YBX1: variants seen among roughly 807,000 people sequenced by gnomAD.
The protein encoded by YBX1 is Y-box binding protein 1.
A neutral mutation model predicts 41.4 loss-of-function variants in YBX1; 3 were observed. The ratio of observed to expected loss-of-function variants is 0.07; its 90% CI spans 0.03 to 0.19. The LOEUF (loss-of-function observed/expected upper bound fraction) is 0.19, where lower values mean the gene tolerates loss of function less well. YBX1 is among the 10% of genes least tolerant of loss of function. The pLI, the probability that YBX1 is intolerant of heterozygous loss-of-function variation, is 1.00. For synonymous variants in YBX1, 133 were observed against 165.8 expected (o/e 0.80, Z 1.52); for missense variants, 274 against 462.8 (o/e 0.59, Z 3.74).
At chr1:42,699,109 A>G (rs963011693) in intron 6 of YBX1, among the ~76,000 whole-genome samples, 1 of 152,202 alleles carries the variant, frequency 6.6e-6, no homozygotes, top group African/African-American at 2.4e-5. Context: ...CCAGGATAAC[A>G]GTTGATGGCA....
intron 7 of YBX1, 100 bp from the exon 8 acceptor site, chr1:42,701,881 A>C (rs1404787520): frequency 6.6e-6 from 1 of 152,620 alleles, no homozygotes; most frequent in East Asian, 1.9e-4. Flanking sequence ...AGATCTGTTA[A>C]TGTCTCCCAA....
intron 3 of YBX1, 84 bp downstream of exon 3, chr1:42,693,607 T>C (rs1650392928): frequency 1.4e-6 from 2 of 1,462,786 alleles, no homozygotes; most frequent in African/African-American, 1.4e-5. Flanking sequence ...TTTTGTTCCT[T>C]ATAAAAGGTT....
rs201270213 is a variant in YBX1, at chr1:42,697,347, C to T, written c.740+85C>T. 9.0e-6 allele frequency: 12 copies of T among 1,335,326 alleles called. No homozygotes were observed. The African/African-American group carries it at 1.5e-4, about 16-fold the overall frequency. The allele number at this position is 1,335,326 out of a possible 1,614,324, so 82.7% of individuals were successfully genotyped here. On this transcript the variant is annotated intron_variant, in intron 6 of 7. Coordinates refer to ENST00000321358, the MANE Select transcript of YBX1 (RefSeq NM_004559.5). ...CAATATCATGCCTCTCCTGCAGACT[C>T]ATTTTTCTGTTAACACTTCACGTTT...
At chr1:42,699,618 G>T (rs921567013) in intron 6 of YBX1, among the ~76,000 whole-genome samples, 7 of 128,460 alleles carry the variant, frequency 5.4e-5, no homozygotes, top group East Asian at 2.1e-4. Flanking sequence ...AATGAGGGTT[G>T]TTTTTTTTTT....
rs141968223 is a variant in YBX1, at chr1:42,700,978, C to A, written c.938C>A (p.Ser313Ter). Residue 313 changes from serine to a stop codon, truncating the protein, a stop_gained, in exon 7 of 8, where the codon TCG becomes TAG. Transcript: ENST00000321358. LOFTEE classifies it high-confidence loss of function. ...GCAGCCGATCCACCAGCTGAGAATT[C>A]GTCCGCTCCCGAGGCTGAGCAGGGC... The part of the protein sequence containing the change: ...TKAADPPAEN[S>*]SAPEAEQGGA... 1.2e-6 allele frequency: 2 copies of A among 1,614,146 alleles called. No homozygotes were observed. Among genetic ancestry groups the A allele is most frequent in the Non-Finnish European group, 1.7e-6 (2 of 1,180,028 alleles).
At chr1:42,690,555 C>T (rs1650305445) in intron 2 of YBX1, among the ~76,000 whole-genome samples, 1 of 152,110 alleles carries the variant, frequency 6.6e-6, no homozygotes, top group African/African-American at 2.4e-5. Context: ...CTCCTGTGAC[C>T]TGCAAATCTA....
chr1:42,691,871 A>G (rs5773784), intron 2 of YBX1, among the ~76,000 whole-genome samples: 4 of 125,896 alleles, frequency 3.2e-5, no homozygotes, highest in Admixed American at 1.6e-4. Context: ...TTATTTTTTT[A>G]TTTTTTTTGA....
chr1:42,688,591 C>T (rs1294538467), intron 2 of YBX1, among the ~76,000 whole-genome samples: 3 of 152,178 alleles, frequency 2.0e-5, no homozygotes, highest in Admixed American at 1.3e-4. Flanking sequence ...TTCACATGAA[C>T]AGTTTATCTC....
At chr1:42,700,609 TC>T (rs5773785) in intron 6 of YBX1, among the ~76,000 whole-genome samples, 171 bp from the exon 7 acceptor site, 14,969 of 48,300 alleles carry the variant, frequency 0.31, 1,304 homozygotes, top group East Asian at 0.43. Context: ...CTACTCAGCA[TC>T]CCCCCCCCCC....
Position 42,701,054 on chromosome 1 carries a change from A to G in YBX1, c.*31+8A>G. ...ATCTCTACCATCATCCGGGTAAGCA[A>G]GCTTGGATGGCCATCCATTTATGGC... On this transcript the variant is annotated splice_region_variant and intron_variant, in intron 7 of 7. Transcript: ENST00000321358. 1 of 1,604,214 alleles carries G rather than the reference A, an allele frequency of 6.2e-7. No individual in the cohort carries two copies. The highest frequency in any genetic ancestry group is 8.5e-7 in the Non-Finnish European group (1 of 1,171,802).
chr1:42,683,340 C>A, intron 1 of YBX1, 63 bp from the exon 2 acceptor site: 14 of 1,605,294 alleles, frequency 8.7e-6, no homozygotes, highest in African/African-American at 1.3e-5. Context: ...ATGCCCAAGC[C>A]GGGCGGATTT....
intron 6 of YBX1, among the ~76,000 whole-genome samples, chr1:42,699,529 A>G (rs183285638): frequency 6.6e-6 from 1 of 152,216 alleles, no homozygotes; most frequent in African/African-American, 2.4e-5. Flanking sequence ...GTTTATCCAG[A>G]TGAAGACACT....
rs949712126 is a variant in YBX1 at position 42,703,515 on chromosome 1, C to T, written c.*1566C>T. On this transcript the variant is annotated 3_prime_UTR_variant, in exon 8 of 8. Coordinates refer to ENST00000321358, the MANE Select transcript of YBX1 (RefSeq NM_004559.5). Reference sequence around the variant, plus strand: ...ACCCTACTTAGTGTAAATATCTGTACTGCAGAAGTGAGTTAGCCTATTTCT... The same window carrying T: ...ACCCTACTTAGTGTAAATATCTGTATTGCAGAAGTGAGTTAGCCTATTTCT... Among the ~76,000 whole-genome samples the T allele has an allele frequency of 2.0e-5, 3 of 152,180 alleles. No homozygotes were observed. The highest frequency in any genetic ancestry group is 2.0e-4 in the Admixed American group (3 of 15,276).
rs781077024 is a variant in YBX1 at position 42,696,164 on chromosome 1, CCT to C, written c.265-34_265-33del. On this transcript the variant is annotated intron_variant, in intron 3 of 7. Transcript: ENST00000321358. The surrounding 1 kb of genome is among the most constrained non-coding windows in gnomAD (Gnocchi z 5.7). ...TAAATGAAAAAGCACATTATTCTCC[CCT>C]GTTAATCTATTTTTGGAATGTGATA... is the stretch of plus-strand genomic sequence containing the variant. The C allele has an allele frequency of 1.3e-5, 20 of 1,540,824 alleles. No homozygotes were observed. Among genetic ancestry groups the C allele is most frequent in the Non-Finnish European group, 1.8e-5 (20 of 1,127,616 alleles).
Position 42,682,530 on chromosome 1 carries a change from C to G in YBX1, c.-36C>G. 7.0e-7 allele frequency: 1 copy of G among 1,437,750 alleles called. No homozygotes were observed. Among genetic ancestry groups the G allele is most frequent in the Non-Finnish European group, 9.1e-7 (1 of 1,100,392 alleles). The allele number at this position is 1,437,750 out of a possible 1,614,324, so 89.1% of individuals were successfully genotyped here. ...CATCACACCCCGGGAGGAGCCGCAG[C>G]TGCCGCAGCCGGCCCCAGTCACCAT... is the stretch of plus-strand genomic sequence containing the variant. On this transcript the variant is annotated 5_prime_UTR_variant, in exon 1 of 8. Transcript: ENST00000321358.
chr1:42,696,509 G>T lies in YBX1; in HGVS notation c.355-133G>T. 2.5e-6 allele frequency: 2 copies of T among 797,982 alleles called. No homozygotes were observed. The highest frequency in any genetic ancestry group is 3.0e-5 in the East Asian group (1 of 33,298). The allele number at this position is 797,982 out of a possible 1,614,324, so 49.4% of individuals were successfully genotyped here. On this transcript the variant is annotated intron_variant, in intron 4 of 7. Coordinates refer to ENST00000321358, the MANE Select transcript of YBX1 (RefSeq NM_004559.5). The surrounding 1 kb of genome is among the most constrained non-coding windows in gnomAD (Gnocchi z 5.7). ...TCTGTGCACCCCTGGTCACGCAGTT[G>T]CGCCCCCCCCCCCTTTTTTTTCCTT... is the stretch of plus-strand genomic sequence containing the variant.
chr1:42,694,472 T>C (rs1650412141), intron 3 of YBX1, among the ~76,000 whole-genome samples: 1 of 152,200 alleles, frequency 6.6e-6, no homozygotes, highest in Non-Finnish European at 1.5e-5. Context: ...CCATAACTAC[T>C]TTTTTGTACT....
In YBX1 at chr1:42,696,494, C is replaced by A; in HGVS notation, c.355-148C>A. On this transcript the variant is annotated intron_variant, in intron 4 of 7. Coordinates refer to ENST00000321358, the MANE Select transcript of YBX1 (RefSeq NM_004559.5). The surrounding 1 kb of genome is among the most constrained non-coding windows in gnomAD (Gnocchi z 5.7). ...TGATATTTAGTCATTTCTGTGCACCCCTGGTCACGCAGTTGCGCCCCCCCC... is the reference window on the plus strand; with the variant it reads ...TGATATTTAGTCATTTCTGTGCACCACTGGTCACGCAGTTGCGCCCCCCCC... The A allele has an allele frequency of 1.0e-6, 1 of 978,612 alleles. No homozygotes were observed. The highest frequency in any genetic ancestry group is 1.8e-5 in the South Asian group (1 of 54,666). 60.6% of individuals were successfully genotyped at this position (978,612 alleles called of 1,614,324 possible).
chr1:42,702,531 AATAC>A lies in YBX1; in HGVS notation c.*587_*590del, dbSNP rs1650630285. On this transcript the variant is annotated 3_prime_UTR_variant, in exon 8 of 8. Transcript: ENST00000321358. ...TGTGGGCCCATACTAAAAATTAGAAAATACATACTCTGATAACCTGGCCATTTTT... is the reference window on the plus strand; with the variant it reads ...TGTGGGCCCATACTAAAAATTAGAAAATACTCTGATAACCTGGCCATTTTT... Among the ~76,000 whole-genome samples the A allele has an allele frequency of 6.6e-6, 1 of 152,232 alleles. No homozygotes were observed. The highest frequency in any genetic ancestry group is 6.5e-5 in the Admixed American group (1 of 15,282).
Sources: allele counts gnomAD v4.1 joint callset (sites outside exome capture counted in the v4.1 genomes callset), GRCh38; gene constraint gnomAD v4.1.1; non-coding constraint Gnocchi (gnomAD v3.1); transcripts MANE v1.5; gene names NCBI Gene and HGNC (gene_info 2026-07-23, HGNC 2026-07-21).